RGPD3: variants seen among roughly 807,000 people sequenced by gnomAD.
RGPD3 encodes RANBP2 like and GRIP domain containing 3.
Under a neutral mutation model 154.5 loss-of-function variants are expected in RGPD3, and 62 were observed. That is an observed-to-expected ratio of 0.40 (90% CI 0.33 to 0.50). The LOEUF (loss-of-function observed/expected upper bound fraction) is 0.50, where lower values mean the gene tolerates loss of function less well. Ranked by LOEUF, RGPD3 falls within the 20% of genes least tolerant of loss-of-function variation. RGPD3 has a pLI of 0.59. For synonymous variants in RGPD3, 308 were observed against 607.0 expected, an observed-to-expected ratio of 0.51 and a Z score of 7.24; for missense variants, 919 against 1,716.8, an observed-to-expected ratio of 0.54 and a Z score of 8.21.
intron 1 of RGPD3, among the ~76,000 whole-genome samples, chr2:106,462,040 T>C (rs1381907848): frequency 1.3e-5 from 2 of 151,658 alleles, no homozygotes; most frequent in East Asian, 2.0e-4. Flanking sequence ...CACACCACCA[T>C]GCCCAGCTAA....
At chr2:106,415,806 A>G in intron 21 of RGPD3, 44 bp downstream of exon 21, 1 of 1,611,562 alleles carries the variant, frequency 6.2e-7, no homozygotes, top group South Asian at 1.1e-5. Flanking sequence ...GGTCCAGAAA[A>G]CCAAACTGGC....
rs554005158 is a variant in RGPD3 at position 106,468,317 on chromosome 2, G to C, written c.-29C>G. 13 of 1,591,540 alleles carry C rather than the reference G, an allele frequency of 8.2e-6. No individual in the cohort carries two copies. Among genetic ancestry groups the C allele is most frequent in the Admixed American group, 5.3e-5 (3 of 57,128 alleles). Reference sequence around the variant, plus strand: ...GCCACCAACCTGGCTCCCGAGATGCGTGAGACCAGCGCTCAGCCCCGCAGC... The same window carrying C: ...GCCACCAACCTGGCTCCCGAGATGCCTGAGACCAGCGCTCAGCCCCGCAGC... On this transcript the variant is annotated 5_prime_UTR_variant, in exon 1 of 23. Transcript: ENST00000409886.
intron 17 of RGPD3, among the ~76,000 whole-genome samples, chr2:106,431,696 G>A (rs1395686184): frequency 6.6e-6 from 1 of 151,946 alleles, no homozygotes; most frequent in African/African-American, 2.4e-5. Context: ...TGCAAATACT[G>A]CTGATCACAC....
rs1397097581 is a variant in RGPD3 at position 106,466,453 on chromosome 2, C to T, written c.72+1764G>A. 2.6e-3 allele frequency among the ~76,000 whole-genome samples: 308 copies of T among 117,038 alleles called. 29 individuals are homozygous for T. The East Asian group carries it at 0.072, about 27-fold the overall frequency. The allele number at this position is 117,038 out of a possible 152,430, so 76.8% of individuals were successfully genotyped here. ...ATGACGCCTGAGCCATCGAGGCCGC[C>T]GCTGGGCCGGGTCGAGGCCGGCGCC... On this transcript the variant is annotated intron_variant, in intron 1 of 22. Transcript: ENST00000409886.
chr2:106,442,600 A>C (rs1172827158), intron 7 of RGPD3, among the ~76,000 whole-genome samples: 1 of 123,744 alleles, frequency 8.1e-6, no homozygotes, highest in Non-Finnish European at 1.7e-5. Flanking sequence ...CAAAAGAAGA[A>C]ACAAGACCAA....
rs1220614882 is a variant in RGPD3, at chr2:106,457,110, AAT to A, written c.264_265del (p.Glu88AspfsTer18). 6.2e-7 allele frequency: 1 copy of A among 1,610,862 alleles called. No individual in the cohort carries two copies. The highest frequency in any genetic ancestry group is 8.5e-7 in the Non-Finnish European group (1 of 1,179,494). On this transcript the variant is annotated frameshift_variant, in exon 4 of 23. Coordinates refer to ENST00000409886, the MANE Select transcript of RGPD3 (RefSeq NM_001144013.2). LOFTEE classifies it high-confidence loss of function. Reference sequence around the variant, plus strand: ...CACAAGATCTTTTTGTGTTGGGTTTAATTCCACTGAACGCTAATATCAGAAAA... The same window carrying A: ...CACAAGATCTTTTTGTGTTGGGTTTATCCACTGAACGCTAATATCAGAAAA...
chr2:106,462,685 C>A (rs1409436535), intron 1 of RGPD3, among the ~76,000 whole-genome samples: 2 of 152,076 alleles, frequency 1.3e-5, no homozygotes, highest in African/African-American at 4.8e-5. Flanking sequence ...TTCTGAATTT[C>A]TCTTTTTTTT....
chr2:106,465,047 A>T (rs1678527023), intron 1 of RGPD3, among the ~76,000 whole-genome samples: 1 of 151,642 alleles, frequency 6.6e-6, no homozygotes, highest in African/African-American at 2.4e-5. Flanking sequence ...AGACTAACAA[A>T]TGAAAGCACA....
At chr2:106,415,101 TTCTGCAA>T (rs1676784925) in intron 21 of RGPD3, among the ~76,000 whole-genome samples, 1 of 151,404 alleles carries the variant, frequency 6.6e-6, no homozygotes, top group African/African-American at 2.4e-5. Context: ...TCCTCAACTG[TTCTGCAA>T]CATTCCTAGA....
intron 22 of RGPD3, among the ~76,000 whole-genome samples, chr2:106,406,022 CACA>C (rs2104437840): frequency 6.6e-6 from 1 of 150,942 alleles, no homozygotes; most frequent in South Asian, 2.1e-4. Flanking sequence ...AAATTTCCAG[CACA>C]ACTAAATATT....
rs879413141 is a variant in RGPD3, at chr2:106,404,210, G to C, written c.*1009C>G. ...ATGCTGAGTGATATAGTCACTGTTG[G>C]GATAGGTTTTTATTTGGGAAAATGG... On this transcript the variant is annotated 3_prime_UTR_variant, in exon 23 of 23. Coordinates refer to ENST00000409886, the MANE Select transcript of RGPD3 (RefSeq NM_001144013.2). Among the ~76,000 whole-genome samples, 99 of 149,514 alleles carry C rather than the reference G, an allele frequency of 6.6e-4. 1 individual carries two copies. Among genetic ancestry groups the C allele is most frequent in the Middle Eastern group, 3.4e-3 (1 of 294 alleles).
At position 106,424,706 on chromosome 2, in the gene RGPD3, A is replaced by G. The variant is rs1377679300; in HGVS notation, c.3261T>C (p.Ile1087=). The G allele has an allele frequency of 1.2e-6, 2 of 1,611,850 alleles. No homozygotes were observed. The highest frequency in any genetic ancestry group is 2.7e-5 in the African/African-American group (2 of 74,826). Residue 1087 remains isoleucine (I), a synonymous_variant, in exon 20 of 23, where the codon ATT becomes ATC. Transcript: ENST00000409886. ...WKERGLGNLK[I]LKNEVNGKVR... is the part of the protein sequence containing the mutation. ...CTTTGCCATTGACCTCGTTTTTGAGAATTTTTAAGTTCCCCAAGCCCCTTT... is the reference window on the plus strand; with the variant it reads ...CTTTGCCATTGACCTCGTTTTTGAGGATTTTTAAGTTCCCCAAGCCCCTTT...
intron 21 of RGPD3, among the ~76,000 whole-genome samples, chr2:106,413,701 A>C (rs1331495507): frequency 6.6e-6 from 1 of 152,154 alleles, no homozygotes; most frequent in South Asian, 2.1e-4. Flanking sequence ...TCTCACGAGA[A>C]ACAGATGAAG....
upstream of RGPD3, among the ~76,000 whole-genome samples, chr2:106,469,551 G>A (rs997309128): frequency 3.9e-4 from 59 of 152,052 alleles, no homozygotes; most frequent in African/African-American, 1.2e-3. Context: ...CCTTTGAACC[G>A]TCCCTAAACA....
At chr2:106,470,441 G>A (rs1486654506), upstream of RGPD3, among the ~76,000 whole-genome samples, 3 of 152,162 alleles carry the variant, frequency 2.0e-5, no homozygotes, top group Non-Finnish European at 4.4e-5. Flanking sequence ...ATTTTGCCAT[G>A]TCCTCCCATT....
At chr2:106,440,455 A>G (rs1343781523) in intron 8 of RGPD3, among the ~76,000 whole-genome samples, 3 of 151,606 alleles carry the variant, frequency 2.0e-5, no homozygotes, top group Non-Finnish European at 4.4e-5. Flanking sequence ...TAACTGTGAC[A>G]CCATGCAAAG....
intron 22 of RGPD3, among the ~76,000 whole-genome samples, chr2:106,408,672 A>G (rs1676580405): frequency 6.7e-6 from 1 of 150,278 alleles, no homozygotes; most frequent in African/African-American, 2.4e-5. Context: ...TATTATTTTT[A>G]TTTCTTAATT....
Position 106,418,556 on chromosome 2 carries a change from C to T in RGPD3, c.4925-2567G>A, listed in dbSNP as rs375220728. 3.9e-5 allele frequency among the ~76,000 whole-genome samples: 6 copies of T among 152,182 alleles called. 1 individual carries two copies. The highest frequency in any genetic ancestry group is 4.2e-4 in the South Asian group (2 of 4,816). On this transcript the variant is annotated intron_variant, in intron 20 of 22. Coordinates refer to ENST00000409886, the MANE Select transcript of RGPD3 (RefSeq NM_001144013.2). The stretch of plus-strand genomic sequence containing the variant: ...TTGCCTAGCAAGACTTTGCTGTTTG[C>T]TGATAAACTGTAAAGTGTTATTTTT...
upstream of RGPD3, among the ~76,000 whole-genome samples, chr2:106,470,480 C>T (rs1000419740): frequency 2.0e-5 from 3 of 152,136 alleles, no homozygotes; most frequent in African/African-American, 7.2e-5. Flanking sequence ...AGTCAATCAA[C>T]GATGGTACTC....
Sources: allele counts gnomAD v4.1 joint callset (sites outside exome capture counted in the v4.1 genomes callset), GRCh38; gene constraint gnomAD v4.1.1; transcripts MANE v1.5; gene names NCBI Gene and HGNC (gene_info 2026-07-23, HGNC 2026-07-21).